The following RAD54L variants were observed in gnomAD, a reference collection of about 807,000 sequenced individuals.
RAD54L encodes RAD54 like.
A neutral mutation model predicts 91.6 loss-of-function variants in RAD54L; 74 were observed. That is an observed-to-expected ratio of 0.81 (90% CI 0.67 to 0.98). The LOEUF is 0.98. RAD54L is among the 50% of genes least tolerant of loss of function. The pLI is 0.00. For synonymous variants in RAD54L, 304 were observed against 349.7 expected (o/e 0.87, Z 1.46); for missense variants, 887 against 945.7 (o/e 0.94, Z 0.81).
intron 15 of RAD54L, 31 bp downstream of exon 15, chr1:46,274,247 A>G (rs1237272543): frequency 6.4e-7 from 1 of 1,571,306 alleles, no homozygotes; most frequent in African/African-American, 1.4e-5. Flanking sequence ...CCACACCACC[A>G]ATGCAGTATC....
chr1:46,270,603 G>A (rs1660394520), intron 9 of RAD54L, 56 bp from the exon 10 acceptor site: 2 of 1,608,568 alleles, frequency 1.2e-6, no homozygotes, highest in African/African-American at 2.7e-5. Context: ...ATCACTAGCT[G>A]TGGGAAAATC....
intron 8 of RAD54L, 150 bp from the exon 9 acceptor site, chr1:46,267,309 C>T: frequency 1.1e-6 from 1 of 938,668 alleles, no homozygotes; most frequent in Non-Finnish European, 1.7e-6. Context: ...AGTGATCCAC[C>T]TGTCTCGGCC....
intron 9 of RAD54L, among the ~76,000 whole-genome samples, chr1:46,268,109 C>T (rs1306416115): frequency 6.6e-6 from 1 of 152,088 alleles, no homozygotes; most frequent in Non-Finnish European, 1.5e-5. Context: ...AACTCCTCTA[C>T]CCTCCCCTCC....
chr1:46,275,291 C>T (rs1385664732), intron 16 of RAD54L, among the ~76,000 whole-genome samples: 2 of 152,188 alleles, frequency 1.3e-5, no homozygotes, highest in South Asian at 4.1e-4. Flanking sequence ...ATCTCAACCC[C>T]GCTTCGTCTA....
At position 46,258,845 on chromosome 1, in the gene RAD54L, T is replaced by G. The variant is rs1038783942; in HGVS notation, c.271+99T>G. ...TGTAAATACAAGCTTAGCTGGGAAT[T>G]GAAGGTGCCAGTCCAGCGGTGGCTG... is the stretch of plus-strand genomic sequence containing the variant. On this transcript the variant is annotated intron_variant, in intron 4 of 17. Transcript: ENST00000371975. 3 of 1,004,816 alleles carry G rather than the reference T, an allele frequency of 3.0e-6. No individual in the cohort carries two copies. The African/African-American group carries it at 4.8e-5, about 16-fold the overall frequency. The allele number at this position is 1,004,816 out of a possible 1,614,324, so 62.2% of individuals were successfully genotyped here.
chr1:46,266,184 G>C (rs1660261635), intron 8 of RAD54L, among the ~76,000 whole-genome samples: 1 of 152,234 alleles, frequency 6.6e-6, no homozygotes, highest in African/African-American at 2.4e-5. Context: ...GCCAGCATTA[G>C]GAGTGACAAG....
chr1:46,258,111 T>C (rs1033678029), intron 3 of RAD54L, among the ~76,000 whole-genome samples: 10 of 152,012 alleles, frequency 6.6e-5, no homozygotes, highest in Non-Finnish European at 1.2e-4. Context: ...CTCCCAGACC[T>C]AAGTGATCCT....
At position 46,263,784 on chromosome 1, in the gene RAD54L, T is replaced by C. The variant is rs988340702; in HGVS notation, c.891+2399T>C. 6.6e-6 allele frequency among the ~76,000 whole-genome samples: 1 copy of C among 151,978 alleles called. No individual in the cohort carries two copies. Among genetic ancestry groups the C allele is most frequent in the African/African-American group, 2.4e-5 (1 of 41,348 alleles). ...TTGAGCCTTTGAGGATTAGGGAGCA[T>C]CTAAATTTTTTTCTACTTTTTGTTT... On this transcript the variant is annotated intron_variant, in intron 8 of 17. Transcript: ENST00000371975. This position sits in a 1 kb window ranked among gnomAD's most constrained non-coding sequence, Gnocchi z 4.3.
chr1:46,266,838 A>G (rs1243832587), intron 8 of RAD54L, among the ~76,000 whole-genome samples: 1 of 152,162 alleles, frequency 6.6e-6, no homozygotes, highest in Non-Finnish European at 1.5e-5. Flanking sequence ...GTGGGCTGCC[A>G]AGGCTCTGGA....
In RAD54L at chr1:46,272,723, AC is replaced by A. The variant is rs776226854; in HGVS notation, c.1298del (p.Pro433ArgfsTer10). 1.3e-5 allele frequency: 21 copies of A among 1,614,054 alleles called. No homozygotes were observed. In the South Asian group the frequency reaches 2.3e-4, roughly 18 times the overall value. On this transcript the variant is annotated frameshift_variant, in exon 12 of 18. Transcript: ENST00000371975. LOFTEE classifies it high-confidence loss of function. ...ACAAGAGGTTTCTGAGACAAGCCAA[AC>A]CGGCAGAAGAATTGCTTGAGGGCAA... ...LYKRFLRQAK[P>X]AEELLEGKMS...
intron 2 of RAD54L, 97 bp from the exon 3 acceptor site, chr1:46,249,903 C>A: frequency 7.4e-7 from 1 of 1,349,980 alleles, no homozygotes; most frequent in Non-Finnish European, 1.1e-6. Context: ...GAATTTAGCA[C>A]AGTGCCTGGC....
At position 46,248,442 on chromosome 1, in the gene RAD54L, C is replaced by A. The variant is rs761603889; in HGVS notation, c.3+34C>A. ...GGGCCTAGGGGAGACTGGGAATAGC[C>A]CTGGGTCAGGGTCTAGTAGGCCTAG... On this transcript the variant is annotated intron_variant, in intron 1 of 17. Transcript: ENST00000371975. 92 of 1,613,974 alleles carry A rather than the reference C, an allele frequency of 5.7e-5. 1 individual carries two copies. The East Asian group carries it at 2.0e-3, about 36-fold the overall frequency.
chr1:46,259,901 G>C (rs199953493), intron 4 of RAD54L, 63 bp from the exon 5 acceptor site: 497 of 1,609,614 alleles, frequency 3.1e-4, no homozygotes, highest in Non-Finnish European at 4.1e-4. Flanking sequence ...ACAAGTATTT[G>C]AGCTGGGCTT....
At chr1:46,272,192 G>A (rs529669872) in intron 10 of RAD54L, among the ~76,000 whole-genome samples, 7 of 151,872 alleles carry the variant, frequency 4.6e-5, no homozygotes, top group African/African-American at 1.4e-4. Flanking sequence ...ACAGGTGCCT[G>A]CCACCACACT....
rs766711957 is a variant in RAD54L at position 46,261,329 on chromosome 1, C to T, written c.835C>T (p.Arg279Cys). ...PILIISYETF[R>C]LHVGVLQKGS... is the part of the protein sequence containing the mutation. ...CCTCATCATTTCCTATGAGACCTTC[C>T]GCCTTCATGTTGGAGTCCTCCAGAA... Residue 279 changes from arginine to cysteine, a missense_variant, in exon 8 of 18, where the codon CGC becomes TGC. Arg to Cys is a radical substitution (Grantham distance 180, BLOSUM62 -3). Coordinates refer to ENST00000371975, the MANE Select transcript of RAD54L (RefSeq NM_003579.4). 24 of 1,613,754 alleles carry T rather than the reference C, an allele frequency of 1.5e-5. No individual in the cohort carries two copies. Among genetic ancestry groups the T allele is most frequent in the Admixed American group, 6.7e-5 (4 of 59,976 alleles).
chr1:46,271,651 C>T (rs1379939114), intron 10 of RAD54L, among the ~76,000 whole-genome samples: 2 of 151,062 alleles, frequency 1.3e-5, no homozygotes, highest in Non-Finnish European at 2.9e-5. Flanking sequence ...AGCAAGACTC[C>T]GTCTCAAAAA....
Position 46,258,567 on chromosome 1 carries a change from C to T in RAD54L, c.211-119C>T, listed in dbSNP as rs1660006158. On this transcript the variant is annotated intron_variant, in intron 3 of 17. Coordinates refer to ENST00000371975, the MANE Select transcript of RAD54L (RefSeq NM_003579.4). ...CTGCTATCCCTGGATATTTGTAGAA[C>T]CTTACATAAAGCCTCGAAGATGGAT... 2.6e-5 allele frequency: 21 copies of T among 802,470 alleles called. No individual in the cohort carries two copies. In the South Asian group the frequency reaches 2.8e-4, roughly 11 times the overall value. 49.7% of individuals were successfully genotyped at this position (802,470 alleles called of 1,614,324 possible).
At chr1:46,273,552 A>T in intron 13 of RAD54L, 72 bp from the exon 14 acceptor site, 1 of 1,612,078 alleles carries the variant, frequency 6.2e-7, no homozygotes, top group Non-Finnish European at 8.5e-7. Flanking sequence ...GTTTCAAGGC[A>T]GGATATCAAG....
intron 3 of RAD54L, among the ~76,000 whole-genome samples, chr1:46,257,161 AAAC>A (rs1444356198): frequency 4.0e-5 from 6 of 151,844 alleles, no homozygotes; most frequent in African/African-American, 1.4e-4. Flanking sequence ...AAAAAAAAAA[AAAC>A]CCCAAAAAAC....
Sources: gnomAD v4.1 joint callset for allele counts (sites outside exome capture counted in the v4.1 genomes callset) on GRCh38, gnomAD v4.1.1 for gene constraint, Gnocchi (gnomAD v3.1) non-coding constraint, MANE v1.5 for transcripts, NCBI Gene and HGNC (gene_info 2026-07-23, HGNC 2026-07-21) for gene names.